BRINP3: variants seen among roughly 807,000 people sequenced by gnomAD.
BRINP3 encodes the protein BMP/retinoic acid inducible neural specific 3, also known as BMP/retinoic acid-inducible neural-specific protein 3.
A neutral mutation model predicts 71.0 loss-of-function variants in BRINP3; 19 were observed. The observed-to-expected ratio is 0.27, with a 90% CI of 0.19 to 0.39. BRINP3 has a LOEUF of 0.39. BRINP3 is among the 10% of genes least tolerant of loss of function. BRINP3 has a pLI of 1.00. For missense variants in BRINP3, 959 were observed against 940.8 expected (o/e 1.02, Z -0.25); for synonymous variants, 380 against 337.7 (o/e 1.13, Z -1.37).
At chr1:190,247,966 G>T (rs1020518682) in intron 4 of BRINP3, among the ~76,000 whole-genome samples, 1 of 151,800 alleles carries the variant, frequency 6.6e-6, no homozygotes, top group Admixed American at 6.6e-5. Flanking sequence ...TTTGTCATTT[G>T]TACCTTGAGC....
intron 2 of BRINP3, among the ~76,000 whole-genome samples, chr1:190,351,034 C>A (rs1279443105): frequency 2.6e-5 from 4 of 151,944 alleles, no homozygotes; most frequent in Admixed American, 6.6e-5. Context: ...AAACTCCCGA[C>A]CTTGGGTGAT....
intron 2 of BRINP3, among the ~76,000 whole-genome samples, chr1:190,316,451 A>G (rs1370765686): frequency 2.6e-5 from 4 of 152,140 alleles, no homozygotes; most frequent in Non-Finnish European, 4.4e-5. Flanking sequence ...TTGGGTTTGA[A>G]CAAGAATAAG....
intron 2 of BRINP3, among the ~76,000 whole-genome samples, chr1:190,442,906 CTTTTTTTTTTT>C (rs757648847): frequency 9.8e-6 from 1 of 101,578 alleles, no homozygotes; most frequent in African/African-American, 3.7e-5. Context: ...GTCTCTGTAT[CTTTTTTTTTTT>C]TTTTTTTTTT....
intron 2 of BRINP3, among the ~76,000 whole-genome samples, chr1:190,296,341 G>A (rs1028451863): frequency 2.0e-5 from 3 of 151,758 alleles, no homozygotes; most frequent in African/African-American, 4.8e-5. Flanking sequence ...CTCAATAGAC[G>A]CAGATAAAGG....
intron 7 of BRINP3, among the ~76,000 whole-genome samples, chr1:190,133,763 A>G (rs1278238892): frequency 6.6e-6 from 1 of 152,070 alleles, no homozygotes; most frequent in Admixed American, 6.6e-5. Context: ...ATCAAGCCCA[A>G]TACGGTGGGT....
intron 4 of BRINP3, among the ~76,000 whole-genome samples, chr1:190,251,955 G>T (rs535306096): frequency 6.6e-6 from 1 of 151,336 alleles, no homozygotes; most frequent in Non-Finnish European, 1.5e-5. Context: ...TTAATAAAAA[G>T]ATGATTTTGA....
At chr1:190,370,990 G>A (rs1669824572) in intron 2 of BRINP3, among the ~76,000 whole-genome samples, 1 of 152,046 alleles carries the variant, frequency 6.6e-6, no homozygotes, top group East Asian at 1.9e-4. Flanking sequence ...TTTGAGAAAT[G>A]TCTATTCAAG....
At chr1:190,185,673 T>C (rs1002766438) in intron 6 of BRINP3, among the ~76,000 whole-genome samples, 4 of 152,140 alleles carry the variant, frequency 2.6e-5, no homozygotes, top group Non-Finnish European at 4.4e-5. Flanking sequence ...CTATCTTGAA[T>C]GTATATAATG....
At chr1:190,279,395 C>T (rs1037403672) in intron 3 of BRINP3, among the ~76,000 whole-genome samples, 2 of 151,768 alleles carry the variant, frequency 1.3e-5, no homozygotes, top group Non-Finnish European at 2.9e-5. Context: ...CTTTCTATGT[C>T]CCATCACATA....
intron 6 of BRINP3, among the ~76,000 whole-genome samples, chr1:190,164,548 A>T (rs1439520094): frequency 6.6e-6 from 1 of 152,132 alleles, no homozygotes; most frequent in Non-Finnish European, 1.5e-5. Context: ...CTACAGAATT[A>T]TCAATACACC....
At chr1:190,259,039 T>G (rs775200665) in intron 4 of BRINP3, among the ~76,000 whole-genome samples, 2 of 152,110 alleles carry the variant, frequency 1.3e-5, no homozygotes, top group Non-Finnish European at 2.9e-5. Flanking sequence ...CACATCTAGA[T>G]GGTTTCACCA....
At chr1:190,448,721 GATA>G (rs1391457529) in intron 2 of BRINP3, among the ~76,000 whole-genome samples, 6 of 151,522 alleles carry the variant, frequency 4.0e-5, no homozygotes, top group African/African-American at 1.5e-4. Flanking sequence ...GTCTGATTAT[GATA>G]ATTATTTTTA....
At chr1:190,371,616 C>G (rs1669872086) in intron 2 of BRINP3, among the ~76,000 whole-genome samples, 1 of 152,076 alleles carries the variant, frequency 6.6e-6, no homozygotes. Flanking sequence ...GTGACGGCTA[C>G]AGGGGTATTC....
In BRINP3 at chr1:190,248,936, A is replaced by G. The variant is rs191462331; in HGVS notation, c.619-14459T>C. ...TCAAAAGCAAATTATTTGAGACTAT[A>G]GTTCTCAAATTTTCAAGAATTTTCC... On this transcript the variant is annotated intron_variant, in intron 4 of 7. Coordinates refer to ENST00000367462, the MANE Select transcript of BRINP3 (RefSeq NM_199051.3). 3.9e-5 allele frequency among the ~76,000 whole-genome samples: 6 copies of G among 152,018 alleles called. No individual in the cohort carries two copies. In the East Asian group the frequency reaches 7.8e-4, roughly 20 times the overall value.
chr1:190,316,840 G>C (rs964946915), intron 2 of BRINP3, among the ~76,000 whole-genome samples: 3 of 151,970 alleles, frequency 2.0e-5, no homozygotes, highest in Admixed American at 1.3e-4. Flanking sequence ...GAGTATGAAG[G>C]ACTTCTAGAT....
At chr1:190,330,339 T>C (rs1666884470) in intron 2 of BRINP3, among the ~76,000 whole-genome samples, 1 of 152,050 alleles carries the variant, frequency 6.6e-6, no homozygotes, top group African/African-American at 2.4e-5. Flanking sequence ...CAGACACCTC[T>C]TAAAAGAAGA....
At chr1:190,320,526 TATTCATTC>T (rs200952300) in intron 2 of BRINP3, among the ~76,000 whole-genome samples, 6 of 152,130 alleles carry the variant, frequency 3.9e-5, no homozygotes, top group Non-Finnish European at 7.4e-5. Flanking sequence ...AATTTGTATT[TATTCATTC>T]ATTCATTCAT....
In BRINP3 at chr1:190,168,533, G is replaced by A. The variant is rs554285653; in HGVS notation, c.962-7643C>T. ...AAGACTGTAACCCATAAGATGTTTA[G>A]TTTCCAATTACTTGAGTAAAAAATT... On this transcript the variant is annotated intron_variant, in intron 6 of 7. Transcript: ENST00000367462. Among the ~76,000 whole-genome samples the A allele has an allele frequency of 7.2e-5, 11 of 152,256 alleles. No individual in the cohort carries two copies. The South Asian group carries it at 2.3e-3, about 32-fold the overall frequency.
chr1:190,224,930 A>C (rs1385786173), intron 6 of BRINP3, among the ~76,000 whole-genome samples: 1 of 152,022 alleles, frequency 6.6e-6, no homozygotes, highest in Non-Finnish European at 1.5e-5. Flanking sequence ...AGAGAAATGC[A>C]AGTCAAAACT....
Sources: gnomAD v4.1 joint callset for allele counts (sites outside exome capture counted in the v4.1 genomes callset) on GRCh38, gnomAD v4.1.1 for gene constraint, MANE v1.5 for transcripts, NCBI Gene and HGNC (gene_info 2026-07-23, HGNC 2026-07-21) for gene names.